Variants in CAMSAP1 observed in about 807,000 individuals in gnomAD.
CAMSAP1 encodes calmodulin regulated spectrin associated protein 1.
Under a neutral mutation model 143.5 loss-of-function variants are expected in CAMSAP1, and 58 were observed. The observed-to-expected ratio is 0.40, with a 90% CI of 0.33 to 0.50. The LOEUF (loss-of-function observed/expected upper bound fraction) is 0.50. Ranked by LOEUF, CAMSAP1 falls within the 20% of genes least tolerant of loss-of-function variation. CAMSAP1 has a pLI of 0.45. For missense variants in CAMSAP1, 1,969 were observed against 2,115.7 expected, an observed-to-expected ratio of 0.93 and a Z score of 1.36; for synonymous variants, 945 against 859.3, an observed-to-expected ratio of 1.10 and a Z score of -1.74.
chr9:135,835,113 C>A (rs1435386753), intron 7 of CAMSAP1, among the ~76,000 whole-genome samples: 2 of 152,140 alleles, frequency 1.3e-5, no homozygotes, highest in East Asian at 3.9e-4. Flanking sequence ...TTGGGAGGAC[C>A]CCCAAGCACA....
At chr9:135,877,917 C>T (rs1425107921) in intron 3 of CAMSAP1, among the ~76,000 whole-genome samples, 4 of 152,100 alleles carry the variant, frequency 2.6e-5, no homozygotes, top group Non-Finnish European at 5.9e-5. Flanking sequence ...TTCAGAGCAC[C>T]CGGGAAGGAG....
At chr9:135,892,702 T>A (rs1352724231) in intron 1 of CAMSAP1, among the ~76,000 whole-genome samples, 1 of 151,118 alleles carries the variant, frequency 6.6e-6, no homozygotes, top group African/African-American at 2.4e-5. Context: ...AACACAAAAA[T>A]TAGCCAGGCA....
intron 15 of CAMSAP1, 133 bp downstream of exon 15, chr9:135,815,757 C>T: frequency 1.3e-6 from 1 of 759,554 alleles, no homozygotes; most frequent in Non-Finnish European, 2.1e-6. Flanking sequence ...CAAATTAGCT[C>T]TCTTTCACTA....
chr9:135,884,032 C>T (rs1838044905), intron 1 of CAMSAP1, among the ~76,000 whole-genome samples: 1 of 152,214 alleles, frequency 6.6e-6, no homozygotes, highest in Non-Finnish European at 1.5e-5. Flanking sequence ...ACATCAACGG[C>T]TGTCCCACTA....
At chr9:135,863,083 T>C (rs1439330109) in intron 4 of CAMSAP1, among the ~76,000 whole-genome samples, 1 of 152,166 alleles carries the variant, frequency 6.6e-6, no homozygotes, top group Non-Finnish European at 1.5e-5. Flanking sequence ...CAAAACAGCA[T>C]GAATATTTAG....
In CAMSAP1 at chr9:135,824,868, A is replaced by G. The variant is rs1835617902; in HGVS notation, c.1236T>C (p.Thr412=). Residue 412 remains threonine (T), a synonymous_variant, in exon 9 of 17, where the codon ACT becomes ACC. Coordinates refer to ENST00000389532, the MANE Select transcript of CAMSAP1 (RefSeq NM_015447.4). The surrounding 1 kb of genome is among the most constrained non-coding windows in gnomAD (Gnocchi z 4.1). ...AAGGATGGGATGGGCTGAAGGCAGC[A>G]GTTCCTTTCCCGCTAAATGGAAAAA... ...PEEPEYLGKG[T]AAFSPSHPLL... is the part of the protein sequence containing the mutation. 6.3e-7 allele frequency: 1 copy of G among 1,595,874 alleles called. No individual in the cohort carries two copies. The highest frequency in any genetic ancestry group is 8.5e-7 in the Non-Finnish European group (1 of 1,171,092).
At chr9:135,893,573 T>C (rs1424668466) in intron 1 of CAMSAP1, among the ~76,000 whole-genome samples, 1 of 152,026 alleles carries the variant, frequency 6.6e-6, no homozygotes, top group Non-Finnish European at 1.5e-5. Flanking sequence ...AGAAATAACA[T>C]ACACTGTGCC....
chr9:135,857,318 G>A (rs551052389), intron 5 of CAMSAP1, among the ~76,000 whole-genome samples: 2 of 151,494 alleles, frequency 1.3e-5, no homozygotes. Flanking sequence ...TGCTTTTCTG[G>A]TTCTACTTTC....
chr9:135,841,747 G>C (rs1304538840), intron 7 of CAMSAP1, among the ~76,000 whole-genome samples: 1 of 152,226 alleles, frequency 6.6e-6, no homozygotes, highest in African/African-American at 2.4e-5. Flanking sequence ...CAGCAGACCT[G>C]CAGCAGAGGG....
chr9:135,906,719 C>T (rs1838790713), intron 1 of CAMSAP1, among the ~76,000 whole-genome samples: 1 of 152,024 alleles, frequency 6.6e-6, no homozygotes, highest in Admixed American at 6.5e-5. Context: ...GCCGCCGCCG[C>T]CGCCAACGGG....
At chr9:135,861,187 G>A (rs1837174043) in intron 5 of CAMSAP1, among the ~76,000 whole-genome samples, 1 of 152,216 alleles carries the variant, frequency 6.6e-6, no homozygotes, top group African/African-American at 2.4e-5. Context: ...CATAGGCCCA[G>A]GGCCAAACGA....
chr9:135,842,449 C>T (rs1240955415), intron 7 of CAMSAP1, among the ~76,000 whole-genome samples: 1 of 152,148 alleles, frequency 6.6e-6, no homozygotes, highest in Non-Finnish European at 1.5e-5. Context: ...AGGAGAACTT[C>T]CCCAACCTAG....
At chr9:135,894,210 C>G (rs1027627971) in intron 1 of CAMSAP1, among the ~76,000 whole-genome samples, 5 of 152,076 alleles carry the variant, frequency 3.3e-5, no homozygotes, top group African/African-American at 9.7e-5. Flanking sequence ...TCAGGCGGAC[C>G]TGAGACACCC....
intron 14 of CAMSAP1, chr9:135,817,743 G>GCC: frequency 6.0e-6 from 3 of 499,864 alleles, no homozygotes; most frequent in South Asian, 2.2e-5. Context: ...GCACGTGTGG[G>GCC]GTGGGGGACA....
At chr9:135,898,982 G>A (rs1217049859) in intron 1 of CAMSAP1, among the ~76,000 whole-genome samples, 1 of 152,110 alleles carries the variant, frequency 6.6e-6, no homozygotes, top group Non-Finnish European at 1.5e-5. Flanking sequence ...GTTCTAAAAC[G>A]TGAGCTAGCC....
Position 135,811,173 on chromosome 9 carries a change from G to T in CAMSAP1, c.*136C>A. ...GCTGTCTAGAAACCTCTTTGCAAAAGGTCTGTGACTTTGCACACTTCGTAC... is the reference window on the plus strand; with the variant it reads ...GCTGTCTAGAAACCTCTTTGCAAAATGTCTGTGACTTTGCACACTTCGTAC... On this transcript the variant is annotated 3_prime_UTR_variant, in exon 17 of 17. Coordinates refer to ENST00000389532, the MANE Select transcript of CAMSAP1 (RefSeq NM_015447.4). The surrounding 1 kb of genome is among the most constrained non-coding windows in gnomAD (Gnocchi z 4.9). 9.9e-7 allele frequency: 1 copy of T among 1,007,454 alleles called. No individual in the cohort carries two copies. Among genetic ancestry groups the T allele is most frequent in the Non-Finnish European group, 1.4e-6 (1 of 695,416 alleles). 62.4% of individuals were successfully genotyped at this position (1,007,454 alleles called of 1,614,324 possible).
chr9:135,815,809 T>G, intron 15 of CAMSAP1, 81 bp downstream of exon 15: 1 of 1,155,434 alleles, frequency 8.7e-7, no homozygotes, highest in Non-Finnish European at 1.3e-6. Flanking sequence ...TAGACCAAAA[T>G]AGAGAACAGA....
chr9:135,857,335 A>G (rs1199016915), intron 5 of CAMSAP1, among the ~76,000 whole-genome samples: 1 of 148,510 alleles, frequency 6.7e-6, no homozygotes, highest in Non-Finnish European at 1.5e-5. Flanking sequence ...TTTCTGGGAG[A>G]TTTCTTCAAC....
intron 7 of CAMSAP1, among the ~76,000 whole-genome samples, chr9:135,834,229 C>T (rs967019552): frequency 6.6e-6 from 1 of 152,156 alleles, no homozygotes; most frequent in Non-Finnish European, 1.5e-5. Context: ...TATAGCCATT[C>T]TGAAAAACAG....
Sources: allele counts gnomAD v4.1 joint callset (sites outside exome capture counted in the v4.1 genomes callset), GRCh38; gene constraint gnomAD v4.1.1; non-coding constraint Gnocchi (gnomAD v3.1); transcripts MANE v1.5; gene names NCBI Gene and HGNC (gene_info 2026-07-23, HGNC 2026-07-21).